The following LTBP4 variants were observed in gnomAD, a reference collection of about 807,000 sequenced individuals.
LTBP4 encodes latent-transforming growth factor beta-binding protein 4.
LTBP4 carries 93 observed loss-of-function variants against 180.2 expected under a neutral mutation model. That is an observed-to-expected ratio of 0.52 (90% CI 0.44 to 0.61). The LOEUF (loss-of-function observed/expected upper bound fraction) is 0.61, where lower values mean the gene tolerates loss of function less well. Ranked by LOEUF, LTBP4 falls within the 20% of genes least tolerant of loss-of-function variation. LTBP4 has a pLI of 0.00. For synonymous variants in LTBP4, 947 were observed against 934.5 expected (o/e 1.01, Z -0.24); for missense variants, 2,116 against 2,256.5 (o/e 0.94, Z 1.26).
chr19:40,626,455 G>A (rs1307019301), intron 27 of LTBP4, among the ~76,000 whole-genome samples: 1 of 151,942 alleles, frequency 6.6e-6, no homozygotes, highest in Non-Finnish European at 1.5e-5. Context: ...AAGTCCCATT[G>A]CCTTACACAC....
intron 24 of LTBP4, 129 bp from the exon 25 acceptor site, chr19:40,623,475 T>C (rs141315682): frequency 6.7e-5 from 81 of 1,214,046 alleles, no homozygotes; most frequent in African/African-American, 3.3e-4. Flanking sequence ...GCTCCTGGCC[T>C]CTCCATCTTT....
intron 21 of LTBP4, 28 bp from the exon 22 acceptor site, chr19:40,619,319 C>A (rs779084793): frequency 6.2e-7 from 1 of 1,607,206 alleles, no homozygotes; most frequent in South Asian, 1.1e-5. Flanking sequence ...CCACTGAGTC[C>A]CTCTCCCCTG....
intron 12 of LTBP4, 94 bp downstream of exon 12, chr19:40,610,751 G>A: frequency 6.8e-7 from 1 of 1,469,900 alleles, no homozygotes; most frequent in African/African-American, 1.4e-5. Context: ...AGGGCAAAGC[G>A]AGTTGATTTG....
At chr19:40,627,635 C>A in intron 28 of LTBP4, 70 bp from the exon 29 acceptor site, 2 of 1,529,844 alleles carry the variant, frequency 1.3e-6, no homozygotes. Flanking sequence ...GCCAAGGACG[C>A]GCACCCACCG....
At chr19:40,600,105 C>G (rs983264521), upstream of LTBP4, 1 of 1,258,912 alleles carries the variant, frequency 7.9e-7, no homozygotes, top group Non-Finnish European at 1.0e-6. The surrounding 1 kb of genome is among the most constrained non-coding windows in gnomAD (Gnocchi z 4.4). Flanking sequence ...GCGGCGGCGG[C>G]CCCGGGGGCC....
chr19:40,604,500 A>G (rs1347745398), intron 1 of LTBP4, among the ~76,000 whole-genome samples: 1 of 151,978 alleles, frequency 6.6e-6, no homozygotes, highest in African/African-American at 2.4e-5. Flanking sequence ...CTGGTCTGGA[A>G]CTCCGTGGAC....
In LTBP4 at chr19:40,622,864, G is replaced by C; in HGVS notation, c.3485-86G>C. On this transcript the variant is annotated intron_variant, in intron 23 of 29. Coordinates refer to ENST00000396819, the MANE Select transcript of LTBP4 (RefSeq NM_001042545.2). The surrounding 1 kb of genome is among the most constrained non-coding windows in gnomAD (Gnocchi z 5.1). ...GGGCACTAACAGGCACAGGGCCAGAGGGACTTTTGTGACAAGTGGGCACGA... is the reference window on the plus strand; with the variant it reads ...GGGCACTAACAGGCACAGGGCCAGACGGACTTTTGTGACAAGTGGGCACGA... 1 of 1,462,492 alleles carries C rather than the reference G, an allele frequency of 6.8e-7. No individual in the cohort carries two copies. Among genetic ancestry groups the C allele is most frequent in the Non-Finnish European group, 9.4e-7 (1 of 1,067,752 alleles). 90.6% of individuals were successfully genotyped at this position (1,462,492 alleles called of 1,614,324 possible).
At position 40,605,142 on chromosome 19, in the gene LTBP4, G is replaced by GCCCGGCC; in HGVS notation, c.368_374dup (p.Ala126GlyfsTer60). 2 of 1,612,958 alleles carry GCCCGGCC rather than the reference G, an allele frequency of 1.2e-6. No individual in the cohort carries two copies. The highest frequency in any genetic ancestry group is 1.7e-5 in the Admixed American group (1 of 59,906). ...GTTCTGCCAGTTGCACTCCTCGGGC[G>GCCCGGCC]CCCGGCCCCCGGCCCCGGCTGTACC... On this transcript the variant is annotated frameshift_variant, in exon 2 of 30. Transcript: ENST00000396819. LOFTEE classifies it high-confidence loss of function. This position sits in a 1 kb window ranked among gnomAD's most constrained non-coding sequence, Gnocchi z 5.5.
At chr19:40,617,041 G>A (rs781749272) in intron 20 of LTBP4, 21 bp downstream of exon 20, 26 of 1,612,510 alleles carry the variant, frequency 1.6e-5, no homozygotes, top group African/African-American at 5.3e-5. Context: ...ATCAGGCATC[G>A]GGTGAGATGT....
chr19:40,608,721 G>A, intron 9 of LTBP4, 118 bp downstream of exon 9: 2 of 1,164,618 alleles, frequency 1.7e-6, no homozygotes, highest in Non-Finnish European at 2.4e-6. Context: ...GACCAGCCTG[G>A]CCAACATGGC....
rs1417409867 is a variant in LTBP4 at position 40,605,555 on chromosome 19, C to T, written c.593C>T (p.Ala198Val). ...GCGGCGGCGCGGGCGGAGGCGGCAGCGCCCTACACGGTGTTGGCACAGAGC... is the reference window on the plus strand; with the variant it reads ...GCGGCGGCGCGGGCGGAGGCGGCAGTGCCCTACACGGTGTTGGCACAGAGC... Reference protein sequence around the residue: ...AEAAARAEAAAPYTVLAQSAP... With the variant: ...AEAAARAEAAVPYTVLAQSAP... The change falls in exon 3 of 30, where the codon GCG becomes GTG. Residue 198 changes from alanine (A) to valine (V), a missense_variant. Ala to Val is a moderately conservative substitution (Grantham distance 64). Coordinates refer to ENST00000396819, the MANE Select transcript of LTBP4 (RefSeq NM_001042545.2). This position sits in a 1 kb window ranked among gnomAD's most constrained non-coding sequence, Gnocchi z 5.5. 6.2e-7 allele frequency: 1 copy of T among 1,604,700 alleles called. No homozygotes were observed.
In LTBP4 at chr19:40,609,401, C is replaced by A; in HGVS notation, c.1427-129C>A. The stretch of plus-strand genomic sequence containing the variant: ...AAAAAAGATGGAGATCAGAAGAAGA[C>A]TGGGCTTGCTTGGGGAGGAGACATC... On this transcript the variant is annotated intron_variant, in intron 9 of 29. Coordinates refer to ENST00000396819, the MANE Select transcript of LTBP4 (RefSeq NM_001042545.2). This position sits in a 1 kb window ranked among gnomAD's most constrained non-coding sequence, Gnocchi z 4.9. 8.3e-7 allele frequency: 1 copy of A among 1,204,830 alleles called. No individual in the cohort carries two copies. Among genetic ancestry groups the A allele is most frequent in the Admixed American group, 2.2e-5 (1 of 44,920 alleles). The allele number at this position is 1,204,830 out of a possible 1,614,324, so 74.6% of individuals were successfully genotyped here. A position where few individuals can be genotyped will look rare whatever the true frequency, so the allele number is the denominator to read the frequency against.
At position 40,613,108 on chromosome 19, in the gene LTBP4, C is replaced by G. The variant is rs564871568; in HGVS notation, c.2343C>G (p.His781Gln). 7 of 1,608,640 alleles carry G rather than the reference C, an allele frequency of 4.4e-6. No individual in the cohort carries two copies. The South Asian group carries it at 5.6e-5, about 13-fold the overall frequency. Residue 781 changes from histidine to glutamine, a missense_variant, in exon 16 of 30, where the codon CAC (histidine) becomes CAG (glutamine). This residue lies in a region of LTBP4 where 877 missense variants were observed against 873.6 expected (regional missense o/e 1.00). Transcript: ENST00000396819. The surrounding 1 kb of genome is among the most constrained non-coding windows in gnomAD (Gnocchi z 5.0). ...CSSGAPPCGP[H>Q]GHCTNTEGSF... ...CGGGTGCCCCTCCCTGTGGTCCCCA[C>G]GGCCACTGCACTAACACCGAAGGCT...
At chr19:40,606,596 G>C (rs893016508) in intron 6 of LTBP4, 70 bp downstream of exon 6, 65 of 1,518,622 alleles carry the variant, frequency 4.3e-5, no homozygotes, top group Non-Finnish European at 5.2e-5. Flanking sequence ...GAGCATCCTG[G>C]GGCCTTTAAT....
upstream of LTBP4, chr19:40,597,145 G>A (rs2081394899): frequency 1.7e-6 from 2 of 1,175,428 alleles, no homozygotes; most frequent in South Asian, 6.2e-5. Flanking sequence ...GCCTCGGGCG[G>A]GGGCGGGGGC....
upstream of LTBP4, chr19:40,597,375 G>C (rs1191725308): frequency 1.3e-6 from 2 of 1,514,106 alleles, no homozygotes; most frequent in South Asian, 1.2e-5. Context: ...CCAGCCGCCC[G>C]GCCAGGTAAG....
In LTBP4 at chr19:40,611,462, G is replaced by GGGAAGAGA. The variant is rs2081505842; in HGVS notation, c.2053+70_2053+71insAAGAGAGG. The GGGAAGAGA allele has an allele frequency of 2.0e-6, 3 of 1,538,238 alleles. No individual in the cohort carries two copies. Among genetic ancestry groups the GGGAAGAGA allele is most frequent in the Admixed American group, 1.8e-5 (1 of 54,258 alleles). On this transcript the variant is annotated intron_variant, in intron 13 of 29. Coordinates refer to ENST00000396819, the MANE Select transcript of LTBP4 (RefSeq NM_001042545.2). The surrounding 1 kb of genome is among the most constrained non-coding windows in gnomAD (Gnocchi z 4.4). The stretch of plus-strand genomic sequence containing the variant: ...TGGAGACTGGAGAGAGATTATTGAG[G>GGGAAGAGA]GGCAGAGAGGCAGAGTGATGGGGCT...
intron 21 of LTBP4, among the ~76,000 whole-genome samples, chr19:40,618,504 G>A (rs1039355334): frequency 9.9e-5 from 15 of 151,906 alleles, no homozygotes; most frequent in South Asian, 2.1e-4. Context: ...TAGGTGATCC[G>A]CCCACCGTGG....
chr19:40,600,015 G>T (rs2146013463), upstream of LTBP4: 1 of 971,294 alleles, frequency 1.0e-6, no homozygotes, highest in Non-Finnish European at 1.4e-6. The surrounding 1 kb of genome is among the most constrained non-coding windows in gnomAD (Gnocchi z 4.4). Context: ...GCCCTTTGGT[G>T]GGGAGGTCAG....
Sources: gnomAD v4.1 joint callset for allele counts (sites outside exome capture counted in the v4.1 genomes callset) on GRCh38, gnomAD v4.1.1 for gene constraint, gnomAD v4.1.1 regional missense constraint, Gnocchi (gnomAD v3.1) non-coding constraint, MANE v1.5 for transcripts, NCBI Gene and HGNC (gene_info 2026-07-23, HGNC 2026-07-21) for gene names.